Variants in EXOSC3 observed in about 807,000 individuals in gnomAD.
EXOSC3 encodes the protein exosome complex component RRP40.
Under a neutral mutation model 25.1 loss-of-function variants are expected in EXOSC3, and 18 were observed. The ratio of observed to expected loss-of-function variants is 0.72; its 90% CI spans 0.50 to 1.06. The LOEUF is 1.06. Among genes scored for constraint, EXOSC3 ranks in the 50% least tolerant of loss-of-function variants. The probability of loss-of-function intolerance (pLI) is 0.00; values close to 1 mark genes in which losing one functional copy is unlikely to be tolerated. For missense variants in EXOSC3, 382 were observed against 350.9 expected (o/e 1.09, Z -0.71); for synonymous variants, 165 against 132.2 (o/e 1.25, Z -1.70).
chr9:37,781,430 T>A lies in EXOSC3; in HGVS notation c.627-550A>T, dbSNP rs542055423. On this transcript the variant is annotated intron_variant, in intron 3 of 3. Transcript: ENST00000327304. ...CTCTCAACTTCACTGGCTCTAGGAG[T>A]AAAGCCCCTGAATATGGCACAGCTT... 6.1e-5 allele frequency among the ~76,000 whole-genome samples: 9 copies of A among 147,250 alleles called. No homozygotes were observed. In the South Asian group the frequency reaches 2.0e-3, roughly 33 times the overall value.
rs113148476 is a variant in EXOSC3 at position 37,784,672 on chromosome 9, A to C, written c.324+49T>G. ...TTCTTTTGGGAGGTCTTCTCAAAGC[A>C]GGGCTACCACTCTCACTGCCGCACC... On this transcript the variant is annotated intron_variant, in intron 1 of 3. Transcript: ENST00000327304. 8.0e-5 allele frequency: 122 copies of C among 1,523,004 alleles called. No homozygotes were observed. In the African/African-American group the frequency reaches 1.2e-3, roughly 15 times the overall value. The allele number at this position is 1,523,004 out of a possible 1,614,324, so 94.3% of individuals were successfully genotyped here.
intron 1 of EXOSC3, 58 bp downstream of exon 1, chr9:37,784,663 T>C: frequency 6.7e-7 from 1 of 1,500,868 alleles, no homozygotes. Flanking sequence ...TGGGAGGTCT[T>C]CTCAAAGCAG....
At chr9:37,781,909 G>A (rs921113856) in intron 3 of EXOSC3, 77 bp downstream of exon 3, 18 of 1,467,960 alleles carry the variant, frequency 1.2e-5, no homozygotes, top group Non-Finnish European at 1.5e-5. Context: ...CAAAGAATCT[G>A]AATCCTGAAG....
At position 37,784,952 on chromosome 9, in the gene EXOSC3, A is replaced by G; in HGVS notation, c.93T>C (p.Gly31=). 6.2e-7 allele frequency: 1 copy of G among 1,612,484 alleles called. No individual in the cohort carries two copies. The highest frequency in any genetic ancestry group is 8.5e-7 in the Non-Finnish European group (1 of 1,179,620). The change falls in exon 1 of 4, where the codon GGT becomes GGC. Residue 31 remains glycine, a synonymous_variant. Transcript: ENST00000327304. ...CCTGTTCCGGCAGGAGCAGCTCCTCACCCGGGAGCACCACCTGACCTAGTA... is the reference window on the plus strand; with the variant it reads ...CCTGTTCCGGCAGGAGCAGCTCCTCGCCCGGGAGCACCACCTGACCTAGTA... ...RTVLGQVVLP[G]EELLLPEQED...
At position 37,781,968 on chromosome 9, in the gene EXOSC3, G is replaced by A. The variant is rs747459915; in HGVS notation, c.626+18C>T. ...ATAATTATAAAAAGCAGTCAAGCCA[G>A]CAGACATCAGGACTTACTTTCTAAT... On this transcript the variant is annotated intron_variant, in intron 3 of 3. Transcript: ENST00000327304. 2.5e-6 allele frequency: 4 copies of A among 1,607,570 alleles called. No individual in the cohort carries two copies. The highest frequency in any genetic ancestry group is 3.4e-6 in the Non-Finnish European group (4 of 1,177,602).
chr9:37,783,945 C>T lies in EXOSC3; in HGVS notation c.443G>A (p.Gly148Asp). Residue 148 changes from glycine to aspartate, a missense_variant, in exon 2 of 4, where the codon GGT (glycine) becomes GAT (aspartate). Transcript: ENST00000327304. ...ATTTGGTCTGTTTCTTTTAGTTGCA[C>T]CTTCAAATGACAAGTAAGACAAAGA... ...PASLSYLSFE[G>D]ATKRNRPNVQ... The T allele has an allele frequency of 6.2e-7, 1 of 1,612,760 alleles. No individual in the cohort carries two copies. Among genetic ancestry groups the T allele is most frequent in the East Asian group, 2.2e-5 (1 of 44,864 alleles).
intron 3 of EXOSC3, 97 bp from the exon 4 acceptor site, chr9:37,780,977 A>G (rs1214329720): frequency 9.7e-7 from 1 of 1,033,628 alleles, no homozygotes; most frequent in Non-Finnish European, 1.4e-6. Flanking sequence ...GCAGTTCTCC[A>G]TAGCTGTTCA....
In EXOSC3 at chr9:37,780,506, G is replaced by C. The variant is rs1387629559; in HGVS notation, c.*173C>G. The C allele has an allele frequency of 5.0e-6, 3 of 597,528 alleles. No homozygotes were observed. In the East Asian group the frequency reaches 8.5e-5, roughly 17 times the overall value. 37.0% of individuals were successfully genotyped at this position (597,528 alleles called of 1,614,324 possible). On this transcript the variant is annotated 3_prime_UTR_variant, in exon 4 of 4. Transcript: ENST00000327304. ...CGAACAAAAAAAATGATTTTGCAAT[G>C]ATTTTCTCTCCCACAAAAGCGTGGG...
rs768304687 is a variant in EXOSC3 at position 37,780,297 on chromosome 9, G to A, written c.*382C>T. ...CACCCGCTGAATAATGGGACTACAG[G>A]TGACATTTCTTTGCTGCTTTATACT... is the stretch of plus-strand genomic sequence containing the variant. On this transcript the variant is annotated 3_prime_UTR_variant, in exon 4 of 4. Coordinates refer to ENST00000327304, the MANE Select transcript of EXOSC3 (RefSeq NM_016042.4). 60 of 204,732 alleles carry A rather than the reference G, an allele frequency of 2.9e-4. No homozygotes were observed. Among genetic ancestry groups the A allele is most frequent in the South Asian group, 6.7e-4 (8 of 11,950 alleles). The allele number at this position is 204,732 out of a possible 1,614,324, so 12.7% of individuals were successfully genotyped here.
rs1211945934 is a variant in EXOSC3, at chr9:37,784,756, C to T, written c.289G>A (p.Gly97Ser). 1 of 1,602,652 alleles carries T rather than the reference C, an allele frequency of 6.2e-7. No homozygotes were observed. The change falls in exon 1 of 4, where the codon GGC becomes AGC. Residue 97 changes from glycine to serine, a missense_variant. Coordinates refer to ENST00000327304, the MANE Select transcript of EXOSC3 (RefSeq NM_016042.4). ...RHKEPGSGSGGGVYWVDSQQK... is the reference protein window; with the variant it reads ...RHKEPGSGSGSGVYWVDSQQK... ...TGAGAGTCCACCCAGTAAACACCGC[C>T]GCCGCTGCCACTGCCGGGCTCCTTG...
intron 3 of EXOSC3, 48 bp from the exon 4 acceptor site, chr9:37,780,928 G>T: frequency 6.7e-7 from 1 of 1,499,646 alleles, no homozygotes. Flanking sequence ...TGGCAAAGGT[G>T]TGTCCGGAGT....
In EXOSC3 at chr9:37,780,673, C is replaced by T. The variant is rs1345985103; in HGVS notation, c.*6G>A. 2 of 1,612,362 alleles carry T rather than the reference C, an allele frequency of 1.2e-6. No individual in the cohort carries two copies. Among genetic ancestry groups the T allele is most frequent in the East Asian group, 4.5e-5 (2 of 44,874 alleles). Reference sequence around the variant, plus strand: ...CTCAACTGACCTGTAAAAAAGTCCACCTATATCAACTTTCTGCCAATCTGG... The same window carrying T: ...CTCAACTGACCTGTAAAAAAGTCCATCTATATCAACTTTCTGCCAATCTGG... On this transcript the variant is annotated 3_prime_UTR_variant, in exon 4 of 4. Coordinates refer to ENST00000327304, the MANE Select transcript of EXOSC3 (RefSeq NM_016042.4).
intron 3 of EXOSC3, 133 bp downstream of exon 3, chr9:37,781,853 T>C (rs1564014162): frequency 3.1e-6 from 3 of 968,478 alleles, no homozygotes; most frequent in Non-Finnish European, 4.6e-6. Context: ...CCAAATGTGT[T>C]AAAATGGATA....
chr9:37,782,595 A>T (rs1019463411), intron 2 of EXOSC3, among the ~76,000 whole-genome samples: 1 of 152,226 alleles, frequency 6.6e-6, no homozygotes, highest in African/African-American at 2.4e-5. Context: ...AGATTTACAG[A>T]GAAAGGAAGG....
In EXOSC3 at chr9:37,780,878, A is replaced by G. The variant is rs1366126599; in HGVS notation, c.629T>C (p.Leu210Pro). Reference sequence around the variant, plus strand: ...TATGATTTCACAATCTGGAGCTAATAGCCTGGTGGGAAGAGAAAAGAAAAT... The same window carrying G: ...TATGATTTCACAATCTGGAGCTAATGGCCTGGTGGGAAGAGAAAAGAAAAT... The part of the protein sequence containing the change: ...FKVTLGLIRK[L>P]LAPDCEIIQE... Residue 210 changes from leucine to proline, a missense_variant and splice_region_variant, in exon 4 of 4, where the codon CTA becomes CCA. Leu to Pro is a moderately conservative substitution (Grantham distance 98). Transcript: ENST00000327304. The G allele has an allele frequency of 6.2e-7, 1 of 1,612,456 alleles. No individual in the cohort carries two copies. Among genetic ancestry groups the G allele is most frequent in the Non-Finnish European group, 8.5e-7 (1 of 1,179,458 alleles).
intron 1 of EXOSC3, 109 bp downstream of exon 1, chr9:37,784,612 T>A: frequency 8.0e-7 from 1 of 1,247,162 alleles, no homozygotes; most frequent in Non-Finnish European, 1.1e-6. Flanking sequence ...GGCTCTAGGT[T>A]TGCCTGAACA....
Position 37,781,895 on chromosome 9 carries a change from G to A in EXOSC3, c.626+91C>T, listed in dbSNP as rs144999041. ...TCTAACTCTGAGGAGAAATTCAAAC[G>A]TTACAAAGAATCTGAATCCTGAAGA... is the stretch of plus-strand genomic sequence containing the variant. On this transcript the variant is annotated intron_variant, in intron 3 of 3. Coordinates refer to ENST00000327304, the MANE Select transcript of EXOSC3 (RefSeq NM_016042.4). 9.6e-5 allele frequency: 134 copies of A among 1,395,548 alleles called. 1 individual carries two copies. In the African/African-American group the frequency reaches 1.5e-3, roughly 16 times the overall value. 86.4% of individuals were successfully genotyped at this position (1,395,548 alleles called of 1,614,324 possible).
rs116182504 is a variant in EXOSC3, at chr9:37,782,760, G to A, written c.475-623C>T. ...ACTCATTCTGTTCACTCAACAAAACGTATTAAGTACCTACTGTTTGTTGGT... is the reference window on the plus strand; with the variant it reads ...ACTCATTCTGTTCACTCAACAAAACATATTAAGTACCTACTGTTTGTTGGT... On this transcript the variant is annotated intron_variant, in intron 2 of 3. Coordinates refer to ENST00000327304, the MANE Select transcript of EXOSC3 (RefSeq NM_016042.4). Among the ~76,000 whole-genome samples the A allele has an allele frequency of 5.4e-3, 823 of 152,288 alleles. 9 individuals carry two copies. Among genetic ancestry groups the A allele is most frequent in the African/African-American group, 0.019 (782 of 41,554 alleles).
intron 1 of EXOSC3, chr9:37,784,445 A>G: frequency 1.9e-6 from 1 of 533,830 alleles, no homozygotes; most frequent in East Asian, 3.1e-5. Context: ...CTGCCCTCTG[A>G]GACTCCAAAC....
Sources: gnomAD v4.1 joint callset for allele counts (sites outside exome capture counted in the v4.1 genomes callset) on GRCh38, gnomAD v4.1.1 for gene constraint, MANE v1.5 for transcripts, NCBI Gene and HGNC (gene_info 2026-07-23, HGNC 2026-07-21) for gene names.